Variants in OLA1 observed in about 807,000 individuals in gnomAD.
OLA1 encodes obg-like ATPase 1.
Under a neutral mutation model 48.4 loss-of-function variants are expected in OLA1, and 14 were observed. The observed-to-expected ratio is 0.29, with a 90% CI of 0.19 to 0.45. The LOEUF (loss-of-function observed/expected upper bound fraction) is 0.45, where lower values mean the gene tolerates loss of function less well. Among genes scored for constraint, OLA1 ranks in the 20% least tolerant of loss-of-function variants. The probability of loss-of-function intolerance (pLI) is 1.00; values close to 1 mark genes in which losing one functional copy is unlikely to be tolerated. For synonymous variants in OLA1, 127 were observed against 150.4 expected (o/e 0.84, Z 1.14); for missense variants, 325 against 467.1 (o/e 0.70, Z 2.80).
intron 4 of OLA1, among the ~76,000 whole-genome samples, chr2:174,177,676 G>A (rs941298143): frequency 6.6e-6 from 1 of 151,986 alleles, no homozygotes; most frequent in Non-Finnish European, 1.5e-5. Flanking sequence ...AATAGCAATG[G>A]ACTTTTGACA....
At chr2:174,139,864 CAAAAAAAAAAAA>C (rs1162058790) in intron 5 of OLA1, among the ~76,000 whole-genome samples, 1 of 76,964 alleles carries the variant, frequency 1.3e-5, no homozygotes, top group Admixed American at 1.4e-4. Context: ...GACTCAGTCT[CAAAAAAAAAAAA>C]AAAAGAAAGA....
chr2:174,142,069 A>C (rs1686466354), intron 4 of OLA1, 69 bp from the exon 5 acceptor site: 1 of 1,313,656 alleles, frequency 7.6e-7, no homozygotes, highest in South Asian at 1.3e-5. Context: ...ATAGAGTGAA[A>C]GATTCCTAGA....
intron 7 of OLA1, among the ~76,000 whole-genome samples, chr2:174,120,052 T>C (rs796918535): frequency 2.6e-5 from 4 of 152,116 alleles, no homozygotes; most frequent in African/African-American, 9.6e-5. Flanking sequence ...TAATAAAATA[T>C]AATTATCCTT....
intron 4 of OLA1, among the ~76,000 whole-genome samples, chr2:174,190,672 C>A (rs1424554015): frequency 6.6e-6 from 1 of 151,824 alleles, no homozygotes; most frequent in Non-Finnish European, 1.5e-5. Context: ...AGATTTTGAT[C>A]AACCACACAT....
At chr2:174,123,405 C>A in intron 6 of OLA1, 128 bp from the exon 7 acceptor site, 2 of 600,896 alleles carry the variant, frequency 3.3e-6, no homozygotes, top group South Asian at 2.5e-5. Flanking sequence ...TTCTTCTTTC[C>A]AAAAGATTAG....
intron 4 of OLA1, among the ~76,000 whole-genome samples, chr2:174,143,733 G>T (rs551431124): frequency 6.6e-6 from 1 of 152,276 alleles, no homozygotes; most frequent in African/African-American, 2.4e-5. Context: ...GCCCTCTGAT[G>T]ATCTAAAAGA....
chr2:174,104,339 TAAATGGTAGGC>T (rs1171629582), intron 7 of OLA1, among the ~76,000 whole-genome samples: 3 of 152,088 alleles, frequency 2.0e-5, no homozygotes, highest in African/African-American at 7.2e-5. Flanking sequence ...AAAGAAAGTA[TAAATGGTAGGC>T]ACTGCTTAAA....
chr2:174,116,291 A>G (rs182089721), intron 7 of OLA1, among the ~76,000 whole-genome samples: 281 of 152,354 alleles, frequency 1.8e-3, no homozygotes, highest in African/African-American at 6.4e-3. Context: ...TATTTCTCAA[A>G]TTGTTCTATT....
intron 7 of OLA1, among the ~76,000 whole-genome samples, chr2:174,093,840 T>C (rs1020111135): frequency 6.6e-6 from 1 of 152,244 alleles, no homozygotes; most frequent in Non-Finnish European, 1.5e-5. Context: ...AAACTATCTC[T>C]CTTTTCCATT....
chr2:174,095,337 T>G (rs1454966484), intron 7 of OLA1, among the ~76,000 whole-genome samples: 49 of 124,210 alleles, frequency 3.9e-4, no homozygotes, highest in African/African-American at 1.3e-3. Flanking sequence ...TTTTTTTTTT[T>G]TTTTTTTTTT....
chr2:174,203,143 T>C (rs1264884011), intron 4 of OLA1, among the ~76,000 whole-genome samples: 4 of 152,218 alleles, frequency 2.6e-5, no homozygotes, highest in African/African-American at 9.6e-5. Context: ...ATGATCCTTC[T>C]ACGTAAATAT....
intron 4 of OLA1, among the ~76,000 whole-genome samples, chr2:174,205,324 G>A (rs1688084818): frequency 6.6e-6 from 1 of 151,926 alleles, no homozygotes; most frequent in Admixed American, 6.6e-5. Context: ...GGGCGGAGAA[G>A]ATTTCAAGAC....
intron 2 of OLA1, among the ~76,000 whole-genome samples, chr2:174,245,525 G>T (rs747245576): frequency 1.1e-4 from 17 of 152,294 alleles, no homozygotes; most frequent in Middle Eastern, 3.4e-3. Context: ...CACTGAATCT[G>T]CTACCTATTA....
At chr2:174,083,184 T>A (rs1373931816) in intron 7 of OLA1, among the ~76,000 whole-genome samples, 1 of 152,166 alleles carries the variant, frequency 6.6e-6, no homozygotes, top group Non-Finnish European at 1.5e-5. Flanking sequence ...TAGACTGCTA[T>A]ATTTAGACAA....
At chr2:174,233,857 T>C (rs373798773) in intron 2 of OLA1, among the ~76,000 whole-genome samples, 24 of 152,214 alleles carry the variant, frequency 1.6e-4, no homozygotes, top group East Asian at 1.4e-3. Flanking sequence ...AAACACAACA[T>C]GGTATTCAAC....
chr2:174,184,871 G>T (rs1687618763), intron 4 of OLA1, among the ~76,000 whole-genome samples: 1 of 152,086 alleles, frequency 6.6e-6, no homozygotes, highest in East Asian at 1.9e-4. Flanking sequence ...TTCTCAAGTT[G>T]TTTGAAAAAT....
chr2:174,127,968 C>T (rs1431173914), intron 5 of OLA1, among the ~76,000 whole-genome samples: 2 of 151,674 alleles, frequency 1.3e-5, no homozygotes, highest in Non-Finnish European at 2.9e-5. Context: ...AAAAGAACTA[C>T]TTGCTCGAGG....
chr2:174,134,868 A>T (rs1247700717), intron 5 of OLA1, among the ~76,000 whole-genome samples: 1 of 152,230 alleles, frequency 6.6e-6, no homozygotes, highest in Non-Finnish European at 1.5e-5. Flanking sequence ...AATGCCTAAG[A>T]CATGGGAATG....
chr2:174,083,098 G>A (rs1466697381), intron 7 of OLA1, among the ~76,000 whole-genome samples: 1 of 151,938 alleles, frequency 6.6e-6, no homozygotes, highest in Non-Finnish European at 1.5e-5. Flanking sequence ...TATGAATCTG[G>A]AACTGAGTTT....
Sources: gnomAD v4.1 joint callset for allele counts (sites outside exome capture counted in the v4.1 genomes callset) on GRCh38, gnomAD v4.1.1 for gene constraint, MANE v1.5 for transcripts, NCBI Gene and HGNC (gene_info 2026-07-23, HGNC 2026-07-21) for gene names.